Variants in CTNNB1 observed in about 807,000 individuals in gnomAD.
The protein encoded by CTNNB1 is catenin beta 1.
In CTNNB1, 6 loss-of-function variants were observed where a neutral mutation model predicts 82.5. The ratio of observed to expected loss-of-function variants is 0.07; its 90% CI spans 0.04 to 0.14. The LOEUF is 0.14. Ranked by LOEUF, CTNNB1 falls within the 10% of genes least tolerant of loss-of-function variation. The pLI is 1.00. For missense variants in CTNNB1, 529 were observed against 980.4 expected (o/e 0.54, Z 6.15); for synonymous variants, 312 against 329.7 (o/e 0.95, Z 0.58).
chr3:41,205,247 A>G (rs2077621778), intron 1 of CTNNB1, among the ~76,000 whole-genome samples: 1 of 152,230 alleles, frequency 6.6e-6, no homozygotes, highest in Non-Finnish European at 1.5e-5. Context: ...TTACTGTTAG[A>G]CTAGATCCAA....
intron 7 of CTNNB1, among the ~76,000 whole-genome samples, chr3:41,232,476 C>G (rs1167177526): frequency 6.6e-6 from 1 of 151,984 alleles, no homozygotes; most frequent in Non-Finnish European, 1.5e-5. Flanking sequence ...TAGACCTCAT[C>G]TGAGGAAATA....
At chr3:41,208,679 C>T (rs1368012811) in intron 1 of CTNNB1, among the ~76,000 whole-genome samples, 1 of 152,180 alleles carries the variant, frequency 6.6e-6, no homozygotes, top group Non-Finnish European at 1.5e-5. Context: ...GCCCAGTGAT[C>T]TCTTGTATCT....
At chr3:41,232,929 C>T (rs1318430868) in intron 7 of CTNNB1, among the ~76,000 whole-genome samples, 1 of 152,060 alleles carries the variant, frequency 6.6e-6, no homozygotes, top group Non-Finnish European at 1.5e-5. Context: ...CTGCCTCTTC[C>T]AACTAGATCA....
intron 7 of CTNNB1, among the ~76,000 whole-genome samples, chr3:41,232,209 C>T (rs2078325380): frequency 6.6e-6 from 1 of 151,936 alleles, no homozygotes; most frequent in Non-Finnish European, 1.5e-5. Flanking sequence ...TTCTGATGGA[C>T]ATCTGGGGTT....
chr3:41,211,780 G>T (rs919196097), intron 1 of CTNNB1, among the ~76,000 whole-genome samples: 12 of 152,154 alleles, frequency 7.9e-5, no homozygotes, highest in African/African-American at 2.9e-4. Context: ...CCGTTCATGG[G>T]CATTTGGGTT....
intron 1 of CTNNB1, among the ~76,000 whole-genome samples, chr3:41,210,770 T>C (rs573727870): frequency 6.6e-6 from 1 of 152,230 alleles, no homozygotes; most frequent in South Asian, 2.1e-4. Flanking sequence ...AAGTGTCATG[T>C]ACTGGACATA....
intron 1 of CTNNB1, among the ~76,000 whole-genome samples, chr3:41,202,065 T>C (rs1266592588): frequency 6.6e-6 from 1 of 152,196 alleles, no homozygotes; most frequent in East Asian, 1.9e-4. Context: ...TTGTTGAAAC[T>C]AGGGATGTAG....
intron 1 of CTNNB1, among the ~76,000 whole-genome samples, chr3:41,204,972 T>A (rs901176458): frequency 6.6e-6 from 1 of 152,218 alleles, no homozygotes; most frequent in Admixed American, 6.5e-5. Flanking sequence ...TATCAACTTA[T>A]TTGTGAAGAC....
intron 13 of CTNNB1, 130 bp downstream of exon 13, chr3:41,236,839 T>G (rs1200235317): frequency 7.3e-6 from 9 of 1,227,678 alleles, no homozygotes; most frequent in Non-Finnish European, 1.1e-5. Flanking sequence ...TATTTCTTCT[T>G]TATGCTGTCT....
In CTNNB1 at chr3:41,238,037, A is replaced by C. The variant is rs772910638; in HGVS notation, c.2098A>C (p.Ile700Leu). 5 of 1,613,970 alleles carry C rather than the reference A, an allele frequency of 3.1e-6. No individual in the cohort carries two copies. The Admixed American group carries it at 8.3e-5, about 27-fold the overall frequency. Residue 700 changes from isoleucine (I) to leucine (L), a missense_variant, in exon 14 of 15, where the codon ATT becomes CTT. Physicochemically the swap from Ile to Leu is conservative, Grantham distance 5 (BLOSUM62 2). Transcript: ENST00000349496. ...CTAGACTGCTGATCTTGGACTTGATATTGGTGCCCAGGGAGAACCCCTTGG... is the reference window on the plus strand; with the variant it reads ...CTAGACTGCTGATCTTGGACTTGATCTTGGTGCCCAGGGAGAACCCCTTGG... ...WNETADLGLD[I>L]GAQGEPLGYR... is the part of the protein sequence containing the mutation.
intron 1 of CTNNB1, among the ~76,000 whole-genome samples, chr3:41,215,314 C>T (rs998825691): frequency 1.2e-4 from 16 of 128,782 alleles, no homozygotes; most frequent in African/African-American, 3.7e-4. Flanking sequence ...ACCCAGGAGG[C>T]GGAGGATGCA....
At chr3:41,224,916 G>A (rs2125619291) in intron 3 of CTNNB1, 38 bp from the exon 4 acceptor site, 1 of 1,613,976 alleles carries the variant, frequency 6.2e-7, no homozygotes, top group Non-Finnish European at 8.5e-7. Flanking sequence ...GGTAAATGCT[G>A]AACTGTGGAT....
At chr3:41,219,953 A>T (rs2078003784) in intron 1 of CTNNB1, among the ~76,000 whole-genome samples, 1 of 152,212 alleles carries the variant, frequency 6.6e-6, no homozygotes, top group Non-Finnish European at 1.5e-5. Context: ...AATATTTTAT[A>T]ATAGTCTTCA....
intron 13 of CTNNB1, chr3:41,237,446 C>CACAAA (rs1242434619): frequency 1.5e-5 from 1 of 65,258 alleles, no homozygotes; most frequent in Non-Finnish European, 2.6e-5. Context: ...GACTCCAACA[C>CACAAA]AAAAAAAAAA....
At chr3:41,200,772 G>T (rs2077511438) in intron 1 of CTNNB1, among the ~76,000 whole-genome samples, 1 of 152,174 alleles carries the variant, frequency 6.6e-6, no homozygotes, top group Non-Finnish European at 1.5e-5. Flanking sequence ...AATCTGCCAA[G>T]CTTGAAAGCT....
rs11564465 is a variant in CTNNB1, at chr3:41,235,549, C to T, written c.1684-175C>T. Reference sequence around the variant, plus strand: ...GGGGTGCTGCTTTGAATTAGTGCTGCCAGGAGGCCTCTTTTCAGTGACATT... The same window carrying T: ...GGGGTGCTGCTTTGAATTAGTGCTGTCAGGAGGCCTCTTTTCAGTGACATT... On this transcript the variant is annotated intron_variant, in intron 10 of 14. Transcript: ENST00000349496. The T allele has an allele frequency of 0.39, 297,679 of 759,648 alleles. 62,667 individuals carry two copies. Among genetic ancestry groups the T allele is most frequent in the Non-Finnish European group, 0.45 (202,232 of 452,020 alleles). The allele number at this position is 759,648 out of a possible 1,614,324, so 47.1% of individuals were successfully genotyped here.
At chr3:41,224,879 T>G (rs2078138662) in intron 3 of CTNNB1, 75 bp from the exon 4 acceptor site, 2 of 1,609,842 alleles carry the variant, frequency 1.2e-6, no homozygotes, top group Non-Finnish European at 1.7e-6. Flanking sequence ...CAATGTCACT[T>G]TTACCATTTA....
intron 10 of CTNNB1, chr3:41,235,516 A>C: frequency 1.6e-6 from 1 of 633,670 alleles, no homozygotes. Flanking sequence ...TGCACTGTGT[A>C]TGGGGGAGGG....
chr3:41,212,783 A>G (rs9820313), intron 1 of CTNNB1, among the ~76,000 whole-genome samples: 4,213 of 152,334 alleles, frequency 0.028, 198 homozygotes, highest in African/African-American at 0.096. Context: ...TGTGCAAGCC[A>G]GATAGGTAGG....
Sources: allele counts gnomAD v4.1 joint callset (sites outside exome capture counted in the v4.1 genomes callset), GRCh38; gene constraint gnomAD v4.1.1; transcripts MANE v1.5; gene names NCBI Gene and HGNC (gene_info 2026-07-23, HGNC 2026-07-21).